DENND5B: variants seen among roughly 807,000 people sequenced by gnomAD.
DENND5B encodes the protein DENN domain-containing protein 5B.
DENND5B carries 34 observed loss-of-function variants against 140.6 expected under a neutral mutation model. The observed-to-expected ratio is 0.24, with a 90% confidence interval of 0.18 to 0.32. DENND5B has a LOEUF of 0.32. Ranked by LOEUF, DENND5B falls within the 10% of genes least tolerant of loss-of-function variation. DENND5B has a pLI of 1.00. For missense variants in DENND5B, 1,142 were observed against 1,560.2 expected, an observed-to-expected ratio of 0.73 and a Z score of 4.52; for synonymous variants, 551 against 562.1, an observed-to-expected ratio of 0.98 and a Z score of 0.28.
intron 3 of DENND5B, chr12:31,477,450 G>A (rs1017941956): frequency 6.6e-6 from 1 of 152,184 alleles, no homozygotes; most frequent in African/African-American, 2.4e-5. Context: ...CTGGTGGGAA[G>A]GTTCATGCTG....
At chr12:31,405,511 C>CATGTATGTATGTATGTATGTATGTATGT (rs55808642) in intron 14 of DENND5B, among the ~76,000 whole-genome samples, 2 of 144,586 alleles carry the variant, frequency 1.4e-5, no homozygotes, top group Non-Finnish European at 3.0e-5. Flanking sequence ...AGCCACCTGC[C>CATGTATGTATGTATGTATGTATGTATGT]ATGTATGTAT....
chr12:31,437,293 C>T (rs1249270665), intron 7 of DENND5B, among the ~76,000 whole-genome samples: 2 of 152,080 alleles, frequency 1.3e-5, no homozygotes, highest in Non-Finnish European at 2.9e-5. Context: ...CAGGCACCCG[C>T]CAGGCTAATT....
At chr12:31,433,082 G>T in intron 8 of DENND5B, 73 bp downstream of exon 8, 2 of 1,201,632 alleles carry the variant, frequency 1.7e-6, no homozygotes, top group Non-Finnish European at 2.4e-6. Context: ...TCTACACAAT[G>T]ACATCTGCTG....
At chr12:31,561,533 A>T (rs144351832) in intron 1 of DENND5B, among the ~76,000 whole-genome samples, 109 of 152,322 alleles carry the variant, frequency 7.2e-4, no homozygotes, top group African/African-American at 2.5e-3. Flanking sequence ...AAAGGGGCTT[A>T]CTTGAGACTT....
Position 31,495,907 on chromosome 12 carries a change from T to C in DENND5B, c.140A>G (p.Asp47Gly). 1 of 1,607,712 alleles carries C rather than the reference T, an allele frequency of 6.2e-7. No individual in the cohort carries two copies. Among genetic ancestry groups the C allele is most frequent in the Non-Finnish European group, 8.5e-7 (1 of 1,177,208 alleles). ...EPDELAGENF[D>G]QSPLRRTFKS... The stretch of plus-strand genomic sequence containing the variant: ...GAATGTTCTTCTCAAAGGACTCTGG[T>C]CAAAATTTTCGCCTACAACAAATAA... The change falls in exon 2 of 21, where the codon GAC becomes GGC. Residue 47 changes from aspartate (D) to glycine (G), a missense_variant. This residue lies in a region of DENND5B where 708 missense variants were observed against 905.5 expected (regional missense o/e 0.78). Coordinates refer to ENST00000389082, the MANE Select transcript of DENND5B (RefSeq NM_144973.4).
chr12:31,411,868 T>G (rs776511838), intron 13 of DENND5B, among the ~76,000 whole-genome samples: 1 of 152,224 alleles, frequency 6.6e-6, no homozygotes, highest in Non-Finnish European at 1.5e-5. Context: ...AGGTCTTTGT[T>G]GAATTCTCTG....
intron 1 of DENND5B, among the ~76,000 whole-genome samples, chr12:31,550,399 AT>A (rs1949007483): frequency 6.6e-6 from 1 of 151,632 alleles, no homozygotes; most frequent in Non-Finnish European, 1.5e-5. Flanking sequence ...TGAACTCATC[AT>A]TTTTTATGGC....
chr12:31,579,812 G>C (rs1950157290), intron 1 of DENND5B, among the ~76,000 whole-genome samples: 1 of 149,324 alleles, frequency 6.7e-6, no homozygotes, highest in African/African-American at 2.4e-5. Context: ...AGAGAAGAGA[G>C]AAGAGAGAAG....
intron 1 of DENND5B, among the ~76,000 whole-genome samples, chr12:31,565,259 C>T (rs575942257): frequency 2.6e-5 from 4 of 152,070 alleles, no homozygotes; most frequent in African/African-American, 9.6e-5. Context: ...CTAGGTGTGC[C>T]GGCACACACC....
At chr12:31,583,226 A>C (rs1950266456) in intron 1 of DENND5B, among the ~76,000 whole-genome samples, 1 of 151,348 alleles carries the variant, frequency 6.6e-6, no homozygotes, top group Non-Finnish European at 1.5e-5. Flanking sequence ...CGGGAGGCGG[A>C]GATTGCAGTG....
At chr12:31,480,322 TTG>T (rs1159976257) in intron 2 of DENND5B, 67 bp from the exon 3 acceptor site, 3 of 1,348,296 alleles carry the variant, frequency 2.2e-6, no homozygotes, top group East Asian at 2.8e-5. Flanking sequence ...GAAATAAATG[TTG>T]TTTTTTTAAC....
rs1182601670 is a variant in DENND5B at position 31,383,009 on chromosome 12, G to A, written c.*4594C>T. 1.3e-5 allele frequency: 2 copies of A among 152,116 alleles called. No homozygotes were observed. Among genetic ancestry groups the A allele is most frequent in the Non-Finnish European group, 2.9e-5 (2 of 68,006 alleles). The allele number at this position is 152,116 out of a possible 1,614,324, so 9.4% of individuals were successfully genotyped here. On this transcript the variant is annotated 3_prime_UTR_variant, in exon 21 of 21. Coordinates refer to ENST00000389082, the MANE Select transcript of DENND5B (RefSeq NM_144973.4). ...CTTATATAAGAAACAGACTTCAAAAGACATGGATGACTTGGAAATAGGATT... is the reference window on the plus strand; with the variant it reads ...CTTATATAAGAAACAGACTTCAAAAAACATGGATGACTTGGAAATAGGATT...
At chr12:31,425,811 A>G (rs775311970) in intron 9 of DENND5B, among the ~76,000 whole-genome samples, 3 of 152,228 alleles carry the variant, frequency 2.0e-5, no homozygotes, top group Non-Finnish European at 4.4e-5. Context: ...AGTTTTGTCA[A>G]TTTGTACTGC....
chr12:31,440,193 A>T (rs1267715788), intron 7 of DENND5B, among the ~76,000 whole-genome samples: 3 of 151,964 alleles, frequency 2.0e-5, no homozygotes, highest in Admixed American at 1.3e-4. Context: ...TTCTTTTTTT[A>T]AAATAAAGAT....
intron 3 of DENND5B, among the ~76,000 whole-genome samples, chr12:31,467,533 G>A (rs1382765546): frequency 6.6e-6 from 1 of 152,092 alleles, no homozygotes; most frequent in African/African-American, 2.4e-5. Context: ...CCAGCTATCA[G>A]GAGGCTGAGG....
chr12:31,483,221 G>T (rs75266642), intron 2 of DENND5B, among the ~76,000 whole-genome samples: 1,948 of 152,192 alleles, frequency 0.013, 30 homozygotes, highest in African/African-American at 0.045. Context: ...CTTGAACCTG[G>T]GTGGGCTGCT....
At chr12:31,513,494 C>T (rs1487585825) in intron 1 of DENND5B, among the ~76,000 whole-genome samples, 1 of 152,182 alleles carries the variant, frequency 6.6e-6, no homozygotes, top group Non-Finnish European at 1.5e-5. Flanking sequence ...TTTATCTGAT[C>T]ATTTATTTAC....
chr12:31,512,359 C>A (rs555492663), intron 1 of DENND5B, among the ~76,000 whole-genome samples: 2 of 149,884 alleles, frequency 1.3e-5, no homozygotes, highest in Non-Finnish European at 3.0e-5. Context: ...TGGGACTACA[C>A]GTACACACCA....
At chr12:31,451,614 T>C (rs1944529524) in intron 5 of DENND5B, 1 of 277,026 alleles carries the variant, frequency 3.6e-6, no homozygotes, top group Admixed American at 5.1e-5. Flanking sequence ...TGAGCCACCG[T>C]GCCCGGCCTG....
Sources: allele counts gnomAD v4.1 joint callset (sites outside exome capture counted in the v4.1 genomes callset), GRCh38; gene constraint gnomAD v4.1.1; regional missense constraint gnomAD v4.1.1; transcripts MANE v1.5; gene names NCBI Gene and HGNC (gene_info 2026-07-23, HGNC 2026-07-21).